CEP192: variants seen among roughly 807,000 people sequenced by gnomAD.
CEP192 encodes the protein centrosomal protein of 192 kDa.
CEP192 carries 151 observed loss-of-function variants against 271.8 expected under a neutral mutation model. The observed-to-expected ratio is 0.56, with a 90% CI of 0.49 to 0.64. The LOEUF (loss-of-function observed/expected upper bound fraction) is 0.64. Among genes scored for constraint, CEP192 ranks in the 30% least tolerant of loss-of-function variants. The pLI, the probability that CEP192 is intolerant of heterozygous loss-of-function variation, is 0.00. For missense variants in CEP192, 2,910 were observed against 3,020.5 expected (o/e 0.96, Z 0.86); for synonymous variants, 995 against 1,076.5 (o/e 0.92, Z 1.48).
intron 37 of CEP192, 24 bp downstream of exon 37, chr18:13,099,605 T>C: frequency 8.0e-7 from 1 of 1,255,716 alleles, no homozygotes; most frequent in Non-Finnish European, 1.1e-6. Context: ...TGGTTTGGTT[T>C]TTTTTTTGAG....
intron 30 of CEP192, among the ~76,000 whole-genome samples, chr18:13,074,241 G>T (rs8088543): frequency 6.6e-6 from 1 of 152,090 alleles, no homozygotes; most frequent in Non-Finnish European, 1.5e-5. Flanking sequence ...CAGCTTTGAC[G>T]CTGGAGCTTG....
Position 13,015,425 on chromosome 18 carries a change from C to T in CEP192, c.617C>T (p.Pro206Leu), listed in dbSNP as rs1278783805. 5.9e-5 allele frequency: 91 copies of T among 1,551,044 alleles called. No homozygotes were observed. The highest frequency in any genetic ancestry group is 3.9e-5 in the Admixed American group (2 of 50,936). ...SLLENEKLIL[P>L]TSLEDSSDDD... Reference sequence around the variant, plus strand: ...TTAGAAAATGAGAAACTTATCTTACCGACAAGCTTGGAAGATTCTTCTGGT... The same window carrying T: ...TTAGAAAATGAGAAACTTATCTTACTGACAAGCTTGGAAGATTCTTCTGGT... Residue 206 changes from proline to leucine, a missense_variant, in exon 6 of 45, where the codon CCG (proline) becomes CTG (leucine). Physicochemically the swap from Pro to Leu is moderately conservative, Grantham distance 98. Coordinates refer to ENST00000506447, the MANE Select transcript of CEP192 (RefSeq NM_032142.4).
At chr18:13,073,221 G>A in intron 30 of CEP192, 36 bp downstream of exon 30, 2 of 1,525,832 alleles carry the variant, frequency 1.3e-6, no homozygotes, top group Non-Finnish European at 1.8e-6. Flanking sequence ...TTCCCCTGGA[G>A]TTTATGCCAT....
chr18:13,073,331 A>G (rs1223054111), intron 30 of CEP192, 146 bp downstream of exon 30: 1 of 724,078 alleles, frequency 1.4e-6, no homozygotes, highest in Non-Finnish European at 2.2e-6. Context: ...GGAGTAATTT[A>G]TATGCTTTGT....
chr18:13,027,716 A>T (rs1170370010), intron 9 of CEP192, among the ~76,000 whole-genome samples: 1 of 152,192 alleles, frequency 6.6e-6, no homozygotes, highest in Non-Finnish European at 1.5e-5. Context: ...TCGAAGTTGT[A>T]ACTGCCTTCT....
intron 26 of CEP192, 122 bp from the exon 27 acceptor site, chr18:13,069,616 G>C: frequency 1.5e-6 from 1 of 679,330 alleles, no homozygotes; most frequent in East Asian, 2.6e-5. Flanking sequence ...GACCGTGACA[G>C]ACAAGAAGGG....
intron 40 of CEP192, among the ~76,000 whole-genome samples, chr18:13,109,522 T>C (rs1457846109): frequency 6.6e-6 from 1 of 152,096 alleles, no homozygotes; most frequent in African/African-American, 2.4e-5. Context: ...ATGTACCCCC[T>C]GAATCTAAAA....
At chr18:13,004,623 G>A (rs190535101) in intron 3 of CEP192, among the ~76,000 whole-genome samples, 6 of 152,252 alleles carry the variant, frequency 3.9e-5, no homozygotes, top group South Asian at 2.1e-4. Context: ...TCAAGTCAGC[G>A]TGAGGGTGGA....
chr18:13,000,093 T>TC lies in CEP192; in HGVS notation c.164+505_164+506insC, dbSNP rs1568257938. The stretch of plus-strand genomic sequence containing the variant: ...CTGTATAACTCATTGTCTTCTCTCT[T>TC]TTTTTTTTTTTTTTTTTTTTTTTTT... On this transcript the variant is annotated intron_variant, in intron 2 of 44. Coordinates refer to ENST00000506447, the MANE Select transcript of CEP192 (RefSeq NM_032142.4). Among the ~76,000 whole-genome samples the TC allele has an allele frequency of 5.8e-4, 22 of 37,758 alleles. 2 individuals are homozygous for TC. Among genetic ancestry groups the TC allele is most frequent in the Admixed American group, 3.0e-3 (10 of 3,354 alleles). 24.8% of individuals were successfully genotyped at this position (37,758 alleles called of 152,430 possible).
At chr18:12,993,724 G>A (rs1253674064) in intron 1 of CEP192, among the ~76,000 whole-genome samples, 1 of 152,004 alleles carries the variant, frequency 6.6e-6, no homozygotes, top group Non-Finnish European at 1.5e-5. Flanking sequence ...TGTGCTATGT[G>A]GACTGGAAAC....
intron 43 of CEP192, among the ~76,000 whole-genome samples, chr18:13,116,784 TA>T (rs1200250012): frequency 2.6e-5 from 4 of 152,160 alleles, no homozygotes; most frequent in Admixed American, 6.5e-5. Flanking sequence ...TAATTTTTTG[TA>T]TTTTTAGTAG....
chr18:13,019,005 A>T (rs2143171158), intron 8 of CEP192, 77 bp from the exon 9 acceptor site: 1 of 1,338,296 alleles, frequency 7.5e-7, no homozygotes, highest in Non-Finnish European at 1.0e-6. Context: ...AAATAATTTG[A>T]CTGGCAAGAA....
chr18:13,111,882 C>T (rs190556723), intron 40 of CEP192, among the ~76,000 whole-genome samples: 42 of 152,232 alleles, frequency 2.8e-4, no homozygotes, highest in Non-Finnish European at 5.1e-4. Context: ...GCTTAGAATT[C>T]CTAGTCATTA....
chr18:13,104,476 A>G (rs1203359121), intron 39 of CEP192, among the ~76,000 whole-genome samples: 4 of 152,140 alleles, frequency 2.6e-5, no homozygotes, highest in Non-Finnish European at 5.9e-5. Context: ...GAGTTTCTGG[A>G]CCTACTGTGA....
At chr18:13,075,725 A>C (rs2038236235) in intron 30 of CEP192, among the ~76,000 whole-genome samples, 1 of 152,196 alleles carries the variant, frequency 6.6e-6, no homozygotes, top group Non-Finnish European at 1.5e-5. Context: ...GTGGATTGTC[A>C]CATTTTTATC....
chr18:13,072,042 G>C (rs146360019), intron 28 of CEP192, among the ~76,000 whole-genome samples: 2 of 152,110 alleles, frequency 1.3e-5, no homozygotes, highest in African/African-American at 4.8e-5. Context: ...TGTACCTGTG[G>C]AAGGCTTTTC....
In CEP192 at chr18:13,071,079, G is replaced by C; in HGVS notation, c.5215G>C (p.Glu1739Gln). The change falls in exon 28 of 45, where the codon GAG (glutamate) becomes CAG (glutamine). Residue 1739 changes from glutamate to glutamine, a missense_variant. By Grantham distance (29) the Glu-to-Gln change is conservative. Transcript: ENST00000506447. ...IFVQPFGPQY[E>Q]VVLKGEVISS... ...TGTGCAGCCATTTGGACCTCAGTAT[G>C]AGGTAGTGTTAAAAGGCGAAGTCAT... 1 of 1,614,100 alleles carries C rather than the reference G, an allele frequency of 6.2e-7. No individual in the cohort carries two copies.
At chr18:13,084,427 AGCCAAGC>A (rs1339871719) in intron 30 of CEP192, among the ~76,000 whole-genome samples, 1 of 152,194 alleles carries the variant, frequency 6.6e-6, no homozygotes, top group Non-Finnish European at 1.5e-5. Context: ...GGACCTGCCA[AGCCAAGC>A]GCGGGATAAA....
At chr18:13,124,591 C>T in intron 44 of CEP192, 41 bp from the exon 45 acceptor site, 2 of 1,576,812 alleles carry the variant, frequency 1.3e-6, no homozygotes, top group Non-Finnish European at 8.7e-7. Flanking sequence ...GTCACGGGTG[C>T]TGTCATGACA....
Sources: gnomAD v4.1 joint callset for allele counts (sites outside exome capture counted in the v4.1 genomes callset) on GRCh38, gnomAD v4.1.1 for gene constraint, MANE v1.5 for transcripts, NCBI Gene and HGNC (gene_info 2026-07-23, HGNC 2026-07-21) for gene names.